The following GRIA1 variants were observed in gnomAD, a reference collection of about 807,000 sequenced individuals.
The protein encoded by GRIA1 is glutamate receptor 1.
In GRIA1, 31 loss-of-function variants were observed where a neutral mutation model predicts 99.2. The observed-to-expected ratio is 0.31, with a 90% CI of 0.23 to 0.42. The LOEUF (loss-of-function observed/expected upper bound fraction) is 0.42, where lower values mean the gene tolerates loss of function less well. Ranked by LOEUF, GRIA1 falls within the 10% of genes least tolerant of loss-of-function variation. The pLI is 1.00. For missense variants in GRIA1, 782 were observed against 1,157.5 expected (o/e 0.68, Z 4.71); for synonymous variants, 438 against 432.4 (o/e 1.01, Z -0.16).
intron 2 of GRIA1, among the ~76,000 whole-genome samples, chr5:153,563,408 T>C (rs1283676641): frequency 1.3e-5 from 2 of 152,218 alleles, no homozygotes; most frequent in African/African-American, 4.8e-5. Context: ...CAGAAACAAC[T>C]GTTCTTTTCT....
chr5:153,725,028 A>G (rs1322158765), intron 11 of GRIA1, among the ~76,000 whole-genome samples: 1 of 152,252 alleles, frequency 6.6e-6, no homozygotes, highest in Admixed American at 6.5e-5. Flanking sequence ...AGGGAAGCCC[A>G]TCAGACTAAC....
intron 2 of GRIA1, among the ~76,000 whole-genome samples, chr5:153,525,946 A>G (rs767542755): frequency 1.2e-4 from 19 of 152,208 alleles, no homozygotes; most frequent in Non-Finnish European, 2.6e-4. Flanking sequence ...TCAGGATGAA[A>G]GTCAAGTTTC....
chr5:153,666,812 T>C (rs938709399), intron 5 of GRIA1, among the ~76,000 whole-genome samples: 1 of 152,182 alleles, frequency 6.6e-6, no homozygotes, highest in Admixed American at 6.6e-5. Flanking sequence ...TACTTGTAAT[T>C]ATTGTTTTAG....
At chr5:153,635,806 C>T (rs1290502905) in intron 2 of GRIA1, among the ~76,000 whole-genome samples, 1 of 152,166 alleles carries the variant, frequency 6.6e-6, no homozygotes, top group Non-Finnish European at 1.5e-5. Flanking sequence ...TTTGAATGAA[C>T]CTCTGAGGAC....
chr5:153,760,749 G>C (rs1027113380), intron 11 of GRIA1, among the ~76,000 whole-genome samples: 4 of 152,144 alleles, frequency 2.6e-5, no homozygotes, highest in African/African-American at 9.6e-5. Context: ...AAAGCTAGAA[G>C]CACCACACTA....
At chr5:153,673,155 C>T (rs1191277398) in intron 5 of GRIA1, among the ~76,000 whole-genome samples, 1 of 152,166 alleles carries the variant, frequency 6.6e-6, no homozygotes, top group Non-Finnish European at 1.5e-5. Context: ...TTGAATATGC[C>T]AATCATCCTC....
At chr5:153,545,394 A>G (rs911032327) in intron 2 of GRIA1, among the ~76,000 whole-genome samples, 24 of 152,242 alleles carry the variant, frequency 1.6e-4, no homozygotes, top group Non-Finnish European at 2.6e-4. Flanking sequence ...TATAGGCTGG[A>G]TGTCTTCAGG....
intron 13 of GRIA1, among the ~76,000 whole-genome samples, chr5:153,788,653 T>C (rs992531992): frequency 6.6e-6 from 1 of 152,232 alleles, no homozygotes; most frequent in Non-Finnish European, 1.5e-5. Flanking sequence ...TTTATAACAC[T>C]TCACATATTC....
intron 2 of GRIA1, among the ~76,000 whole-genome samples, chr5:153,556,538 A>T (rs1760662249): frequency 1.3e-5 from 2 of 152,214 alleles, no homozygotes; most frequent in African/African-American, 2.4e-5. Context: ...TCTCAAATGC[A>T]GTTAAGTGTT....
intron 5 of GRIA1, among the ~76,000 whole-genome samples, chr5:153,673,185 C>A (rs1168927629): frequency 4.6e-5 from 7 of 152,182 alleles, no homozygotes; most frequent in Non-Finnish European, 2.9e-5. Context: ...GGCCTTTGCT[C>A]AGAATGCTCT....
At chr5:153,640,901 G>A (rs907657678) in intron 2 of GRIA1, among the ~76,000 whole-genome samples, 3 of 152,080 alleles carry the variant, frequency 2.0e-5, no homozygotes, top group African/African-American at 4.8e-5. Flanking sequence ...AAGTAAATGT[G>A]ATATTGTTTA....
At chr5:153,745,301 A>AAAAT (rs57567191) in intron 11 of GRIA1, among the ~76,000 whole-genome samples, 41,191 of 150,966 alleles carry the variant, frequency 0.27, 6,895 homozygotes, top group East Asian at 0.91. Flanking sequence ...CAAAAAAAAA[A>AAAAT]AATAGACTGG....
chr5:153,793,406 G>A (rs886760173), intron 13 of GRIA1, among the ~76,000 whole-genome samples: 3 of 152,186 alleles, frequency 2.0e-5, no homozygotes, highest in Non-Finnish European at 1.5e-5. Flanking sequence ...TCTCACCTAA[G>A]TTAAGTAAAC....
chr5:153,529,288 G>C (rs1435878296), intron 2 of GRIA1, among the ~76,000 whole-genome samples: 1 of 152,178 alleles, frequency 6.6e-6, no homozygotes, highest in African/African-American at 2.4e-5. Flanking sequence ...CAGAACTTAA[G>C]CTAACAAATG....
At chr5:153,692,901 A>G (rs1271813546) in intron 8 of GRIA1, among the ~76,000 whole-genome samples, 1 of 151,844 alleles carries the variant, frequency 6.6e-6, no homozygotes, top group Non-Finnish European at 1.5e-5. Context: ...TAAGTAAGGG[A>G]AAAAAATGCC....
chr5:153,769,681 C>CA (rs1763746339), intron 12 of GRIA1, among the ~76,000 whole-genome samples: 1 of 150,892 alleles, frequency 6.6e-6, no homozygotes, highest in South Asian at 2.1e-4. Flanking sequence ...AAAGTAATGG[C>CA]AAAAAACCTC....
intron 14 of GRIA1, among the ~76,000 whole-genome samples, chr5:153,797,028 T>C (rs979020263): frequency 6.6e-6 from 1 of 152,090 alleles, no homozygotes; most frequent in Non-Finnish European, 1.5e-5. Flanking sequence ...GCTTGCTCCT[T>C]CCCCTTCCCA....
chr5:153,810,701 C>T (rs78233483), intron 15 of GRIA1, among the ~76,000 whole-genome samples: 1,773 of 152,264 alleles, frequency 0.012, 39 homozygotes, highest in African/African-American at 0.04. Context: ...TGTGTTGCTA[C>T]ATCACACATT....
chr5:153,801,839 C>T (rs1257455209), intron 14 of GRIA1, among the ~76,000 whole-genome samples: 1 of 150,096 alleles, frequency 6.7e-6, no homozygotes, highest in African/African-American at 2.5e-5. Flanking sequence ...AAATTGAAAT[C>T]GAATGCACAT....
Sources: gnomAD v4.1 joint callset for allele counts (sites outside exome capture counted in the v4.1 genomes callset) on GRCh38, gnomAD v4.1.1 for gene constraint, MANE v1.5 for transcripts, NCBI Gene and HGNC (gene_info 2026-07-23, HGNC 2026-07-21) for gene names.